SRBD1: variants seen among roughly 807,000 people sequenced by gnomAD.
SRBD1 encodes the protein S1 RNA-binding domain-containing protein 1.
SRBD1 carries 88 observed loss-of-function variants against 115.3 expected under a neutral mutation model. The ratio of observed to expected loss-of-function variants is 0.76; its 90% CI spans 0.64 to 0.91. The LOEUF (loss-of-function observed/expected upper bound fraction) is 0.91. Ranked by LOEUF, SRBD1 falls within the 40% of genes least tolerant of loss-of-function variation. The pLI is 0.00. For missense variants in SRBD1, 1,385 were observed against 1,177.4 expected (o/e 1.18, Z -2.58); for synonymous variants, 509 against 407.7 (o/e 1.25, Z -2.99).
chr2:45,411,574 G>A (rs566926022), intron 19 of SRBD1, among the ~76,000 whole-genome samples: 32 of 152,104 alleles, frequency 2.1e-4, no homozygotes, highest in Middle Eastern at 3.4e-3. Context: ...ATCGGAAGAG[G>A]TATAAGGGAA....
At chr2:45,399,406 G>A (rs554707629) in intron 19 of SRBD1, among the ~76,000 whole-genome samples, 7 of 152,174 alleles carry the variant, frequency 4.6e-5, no homozygotes, top group Non-Finnish European at 8.8e-5. Flanking sequence ...TTAGAGGCAG[G>A]ACTTTATGTG....
At chr2:45,592,364 G>A (rs1276320249) in intron 4 of SRBD1, among the ~76,000 whole-genome samples, 1 of 152,088 alleles carries the variant, frequency 6.6e-6, no homozygotes, top group Non-Finnish European at 1.5e-5. Flanking sequence ...AGCATAAGGA[G>A]GGCACTGCAC....
chr2:45,510,404 A>G (rs1361306804), intron 14 of SRBD1, among the ~76,000 whole-genome samples: 1 of 152,210 alleles, frequency 6.6e-6, no homozygotes, highest in African/African-American at 2.4e-5. Context: ...ACCTAAATTT[A>G]TTGTCCTTCT....
chr2:45,465,406 A>ATG (rs1478059837), intron 16 of SRBD1, among the ~76,000 whole-genome samples: 3 of 152,222 alleles, frequency 2.0e-5, no homozygotes, highest in African/African-American at 4.8e-5. Context: ...ATATACATAT[A>ATG]TGTGTGTATA....
chr2:45,601,715 T>G (rs1189272146), intron 3 of SRBD1, among the ~76,000 whole-genome samples, 188 bp downstream of exon 3: 3 of 152,204 alleles, frequency 2.0e-5, no homozygotes, highest in Non-Finnish European at 4.4e-5. Flanking sequence ...GACCAACTCC[T>G]AGGAGAGGGA....
At chr2:45,578,930 A>G (rs1673260847) in intron 7 of SRBD1, among the ~76,000 whole-genome samples, 1 of 152,218 alleles carries the variant, frequency 6.6e-6, no homozygotes, top group African/African-American at 2.4e-5. Flanking sequence ...TTTGACTATA[A>G]TACTCACTTC....
At chr2:45,500,279 C>CTGTG (rs139961270) in intron 14 of SRBD1, among the ~76,000 whole-genome samples, 39 of 143,352 alleles carry the variant, frequency 2.7e-4, no homozygotes, top group African/African-American at 5.1e-4. Context: ...GTGCATGTCT[C>CTGTG]TGTGTGTGTG....
Position 45,579,904 on chromosome 2 carries a change from A to G in SRBD1, c.1043T>C (p.Leu348Pro), listed in dbSNP as rs768194502. Residue 348 changes from leucine (L) to proline (P), a missense_variant, in exon 7 of 21, where the codon CTG (leucine) becomes CCG (proline). Leu to Pro is a moderately conservative substitution (Grantham distance 98, BLOSUM62 -3). Coordinates refer to ENST00000263736, the MANE Select transcript of SRBD1 (RefSeq NM_018079.5). ...ALLEKPGELSLLSYIRPDVKG... is the reference protein window; with the variant it reads ...ALLEKPGELSPLSYIRPDVKG... ...AACGTCAGGCCTAATGTACGATAGCAGACTGAGCTCCCCTGGTTTCTCAAG... is the reference window on the plus strand; with the variant it reads ...AACGTCAGGCCTAATGTACGATAGCGGACTGAGCTCCCCTGGTTTCTCAAG... The G allele has an allele frequency of 9.5e-5, 153 of 1,608,406 alleles. No individual in the cohort carries two copies. The highest frequency in any genetic ancestry group is 2.5e-6 in the Non-Finnish European group (3 of 1,177,822).
At chr2:45,406,273 T>C (rs752326657) in intron 19 of SRBD1, among the ~76,000 whole-genome samples, 3 of 151,428 alleles carry the variant, frequency 2.0e-5, no homozygotes, top group African/African-American at 2.4e-5. Context: ...GGAGTAAAAA[T>C]ACAGAGACAA....
At chr2:45,548,615 A>T (rs1443567009) in intron 12 of SRBD1, among the ~76,000 whole-genome samples, 1 of 152,060 alleles carries the variant, frequency 6.6e-6, no homozygotes, top group South Asian at 2.1e-4. Flanking sequence ...AAGTTCCATT[A>T]ATCTAAGGAA....
rs566113596 is a variant in SRBD1, at chr2:45,570,490, C to T, written c.1305+2717G>A. On this transcript the variant is annotated intron_variant, in intron 9 of 20. Transcript: ENST00000263736. ...AGTGTGCGATACTGTATTTTAAAGA[C>T]GTTGTTAGGAGTGACATCACTGAAA... Among the ~76,000 whole-genome samples, 14 of 152,252 alleles carry T rather than the reference C, an allele frequency of 9.2e-5. No homozygotes were observed. The South Asian group carries it at 1.5e-3, about 16-fold the overall frequency.
rs764184609 is a variant in SRBD1, at chr2:45,573,342, C to A, written c.1170G>T (p.Leu390Phe). ...DKDTLDFIRN[L>F]CQKRHVCIQS... is the part of the protein sequence containing the mutation. Reference sequence around the variant, plus strand: ...GGATACAAACATGTCTCTTCTGGCACCTGTTCAGATACACAAGTGTTCAAA... The same window carrying A: ...GGATACAAACATGTCTCTTCTGGCAACTGTTCAGATACACAAGTGTTCAAA... Residue 390 changes from leucine (L) to phenylalanine (F), a missense_variant and splice_region_variant, in exon 9 of 21, where the codon TTG (leucine) becomes TTT (phenylalanine). Coordinates refer to ENST00000263736, the MANE Select transcript of SRBD1 (RefSeq NM_018079.5). 6 of 1,606,380 alleles carry A rather than the reference C, an allele frequency of 3.7e-6. No individual in the cohort carries two copies. Among genetic ancestry groups the A allele is most frequent in the Non-Finnish European group, 5.1e-6 (6 of 1,177,576 alleles).
At chr2:45,555,410 C>G (rs1475513713) in intron 10 of SRBD1, among the ~76,000 whole-genome samples, 1 of 151,926 alleles carries the variant, frequency 6.6e-6, no homozygotes, top group Admixed American at 6.6e-5. Flanking sequence ...AAAAAAAACC[C>G]AGCCCAGAAT....
chr2:45,498,588 T>C (rs1305407912), intron 14 of SRBD1, among the ~76,000 whole-genome samples: 1 of 152,110 alleles, frequency 6.6e-6, no homozygotes, highest in Admixed American at 6.6e-5. Flanking sequence ...TATAATAAAT[T>C]ACTGTTAATT....
At position 45,589,484 on chromosome 2, in the gene SRBD1, C is replaced by T. The variant is rs893112841; in HGVS notation, c.649-3710G>A. Among the ~76,000 whole-genome samples, 3 of 152,138 alleles carry T rather than the reference C, an allele frequency of 2.0e-5. 1 individual carries two copies. Among genetic ancestry groups the T allele is most frequent in the South Asian group, 4.2e-4 (2 of 4,818 alleles). ...GAAAGACAGAGATGACAGGTGGAAACGACAGGAATGCTCATCATTTTGGAA... is the reference window on the plus strand; with the variant it reads ...GAAAGACAGAGATGACAGGTGGAAATGACAGGAATGCTCATCATTTTGGAA... On this transcript the variant is annotated intron_variant, in intron 4 of 20. Transcript: ENST00000263736.
At chr2:45,601,247 C>T (rs1408323805) in intron 3 of SRBD1, among the ~76,000 whole-genome samples, 1 of 152,206 alleles carries the variant, frequency 6.6e-6, no homozygotes, top group African/African-American at 2.4e-5. Context: ...TATTCTGAGT[C>T]CATGCTCATC....
At chr2:45,391,424 T>C (rs1360691419) in intron 20 of SRBD1, among the ~76,000 whole-genome samples, 4 of 152,140 alleles carry the variant, frequency 2.6e-5, no homozygotes, top group Non-Finnish European at 4.4e-5. Context: ...GGAAATACTT[T>C]TGAGAAAATG....
chr2:45,506,086 A>T (rs189042129), intron 14 of SRBD1, among the ~76,000 whole-genome samples: 135 of 152,324 alleles, frequency 8.9e-4, no homozygotes, highest in African/African-American at 3.2e-3. Context: ...TATTCAAAGC[A>T]GGAGATGCTG....
intron 14 of SRBD1, among the ~76,000 whole-genome samples, chr2:45,530,230 T>C (rs1030785216): frequency 2.0e-5 from 3 of 152,046 alleles, no homozygotes; most frequent in Non-Finnish European, 4.4e-5. Context: ...GATGACTCAT[T>C]TGCAAGCTCA....
Sources: gnomAD v4.1 joint callset for allele counts (sites outside exome capture counted in the v4.1 genomes callset) on GRCh38, gnomAD v4.1.1 for gene constraint, MANE v1.5 for transcripts, NCBI Gene and HGNC (gene_info 2026-07-23, HGNC 2026-07-21) for gene names.